Variants in CADPS observed in about 807,000 individuals in gnomAD.
The protein encoded by CADPS is calcium-dependent secretion activator 1.
Under a neutral mutation model 167.3 loss-of-function variants are expected in CADPS, and 57 were observed. That is an observed-to-expected ratio of 0.34 (90% confidence interval 0.28 to 0.42). The LOEUF is 0.42. Among genes scored for constraint, CADPS ranks in the 20% least tolerant of loss-of-function variants. The pLI, the probability that CADPS is intolerant of heterozygous loss-of-function variation, is 1.00. For synonymous variants in CADPS, 676 were observed against 635.3 expected, an observed-to-expected ratio of 1.06 and a Z score of -0.96; for missense variants, 1,414 against 1,738.1, an observed-to-expected ratio of 0.81 and a Z score of 3.32.
intron 1 of CADPS, among the ~76,000 whole-genome samples, chr3:62,865,995 A>G (rs1161059091): frequency 1.3e-5 from 2 of 152,064 alleles, no homozygotes; most frequent in African/African-American, 2.4e-5. Flanking sequence ...CACTAACCCA[A>G]ATGAAATGCA....
chr3:62,573,178 G>T (rs191419444), intron 8 of CADPS, among the ~76,000 whole-genome samples: 6 of 152,228 alleles, frequency 3.9e-5, no homozygotes, highest in Admixed American at 2.6e-4. Context: ...TACCTCGCCT[G>T]GCCCCTCCCA....
At chr3:62,532,598 G>C (rs1336156341) in intron 13 of CADPS, among the ~76,000 whole-genome samples, 1 of 152,102 alleles carries the variant, frequency 6.6e-6, no homozygotes. Flanking sequence ...CAGGGTTATT[G>C]CTAGTAAATG....
At chr3:62,507,572 T>A (rs2066922427) in intron 17 of CADPS, among the ~76,000 whole-genome samples, 1 of 152,132 alleles carries the variant, frequency 6.6e-6, no homozygotes, top group Non-Finnish European at 1.5e-5. Context: ...TAAAAGACAA[T>A]TTGAATACCT....
chr3:62,757,574 C>T (rs1055995300), intron 2 of CADPS, among the ~76,000 whole-genome samples: 15 of 152,064 alleles, frequency 9.9e-5, no homozygotes, highest in African/African-American at 2.7e-4. Context: ...AACCAGCACA[C>T]GGTATATTGG....
At chr3:62,666,999 T>C (rs1459510025) in intron 3 of CADPS, among the ~76,000 whole-genome samples, 1 of 151,858 alleles carries the variant, frequency 6.6e-6, no homozygotes, top group Non-Finnish European at 1.5e-5. Flanking sequence ...ATGTGCTGCA[T>C]TGTCCAAGGG....
At position 62,758,046 on chromosome 3, in the gene CADPS, A is replaced by C. The variant is rs374627288; in HGVS notation, c.556-4273T>G. On this transcript the variant is annotated intron_variant, in intron 2 of 29. Coordinates refer to ENST00000383710, the MANE Select transcript of CADPS (RefSeq NM_003716.4). ...TCAAGATGAGATTTGAGTGGGGACA[A>C]AGCCAAACCATATCAGGTGAACCCT... 5.9e-5 allele frequency among the ~76,000 whole-genome samples: 9 copies of C among 152,312 alleles called. No individual in the cohort carries two copies. The South Asian group carries it at 1.7e-3, about 28-fold the overall frequency.
rs1469433304 is a variant in CADPS, at chr3:62,425,129, AG to A, written c.3777+12974del. 1.2e-4 allele frequency among the ~76,000 whole-genome samples: 19 copies of A among 152,340 alleles called. No homozygotes were observed. The East Asian group carries it at 3.7e-3, about 29-fold the overall frequency. ...CACAGTGTTGCTACAGAATAAATAAAGTTATGAAGTCTTGTAAGATACAAAG... is the reference window on the plus strand; with the variant it reads ...CACAGTGTTGCTACAGAATAAATAAATTATGAAGTCTTGTAAGATACAAAG... On this transcript the variant is annotated intron_variant, in intron 28 of 29. Coordinates refer to ENST00000383710, the MANE Select transcript of CADPS (RefSeq NM_003716.4).
chr3:62,660,552 C>T (rs991815822), intron 4 of CADPS, among the ~76,000 whole-genome samples: 5 of 152,148 alleles, frequency 3.3e-5, no homozygotes, highest in African/African-American at 1.2e-4. Flanking sequence ...TGCTTAAGCA[C>T]AGGGGGATTT....
chr3:62,719,276 C>A (rs965693188), intron 3 of CADPS, among the ~76,000 whole-genome samples: 4 of 152,214 alleles, frequency 2.6e-5, no homozygotes, highest in African/African-American at 9.6e-5. Context: ...AGACACTCTC[C>A]TGGCCCAGGG....
intron 3 of CADPS, among the ~76,000 whole-genome samples, chr3:62,702,666 T>C (rs1020300947): frequency 2.0e-5 from 3 of 152,146 alleles, no homozygotes; most frequent in African/African-American, 7.2e-5. Context: ...TAGAACTTTC[T>C]GCAATGGTAG....
At chr3:62,710,974 T>TG (rs2083292348) in intron 3 of CADPS, among the ~76,000 whole-genome samples, 1 of 152,166 alleles carries the variant, frequency 6.6e-6, no homozygotes, top group Admixed American at 6.6e-5. Flanking sequence ...TTGTGAGGTT[T>TG]GTGCCCCTCC....
intron 1 of CADPS, among the ~76,000 whole-genome samples, chr3:62,869,568 A>G (rs1038235972): frequency 2.6e-5 from 4 of 152,052 alleles, no homozygotes; most frequent in Admixed American, 6.6e-5. Flanking sequence ...ACTGTATCCA[A>G]TCCTGTGTGT....
At chr3:62,628,268 G>C (rs2064505337) in intron 6 of CADPS, among the ~76,000 whole-genome samples, 1 of 152,162 alleles carries the variant, frequency 6.6e-6, no homozygotes, top group Non-Finnish European at 1.5e-5. Flanking sequence ...ACAGATATGG[G>C]AGAATGCAGA....
intron 1 of CADPS, among the ~76,000 whole-genome samples, chr3:62,773,183 A>C (rs9810655): frequency 0.58 from 87,589 of 151,756 alleles, 26,587 homozygotes; most frequent in East Asian, 0.84. Flanking sequence ...TTTATTAATA[A>C]ATAAAATATG....
chr3:62,536,458 G>T lies in CADPS; in HGVS notation c.2090C>A (p.Ser697Tyr). The T allele has an allele frequency of 6.2e-7, 1 of 1,613,074 alleles. No individual in the cohort carries two copies. Among genetic ancestry groups the T allele is most frequent in the Non-Finnish European group, 8.5e-7 (1 of 1,179,332 alleles). The change falls in exon 12 of 30, where the codon TCC (serine) becomes TAC (tyrosine). Residue 697 changes from serine to tyrosine, a missense_variant. Around this residue, in one of 6 missense-constraint regions of CADPS, gnomAD observed 529 missense variants for 629.6 expected, o/e 0.84. Coordinates refer to ENST00000383710, the MANE Select transcript of CADPS (RefSeq NM_003716.4). ...RLTLDHRLND[S>Y]YSCLGWFSPG... Reference sequence around the variant, plus strand: ...GAATATACTTGCCAGGCAAGAATAGGAATCATTAAGTCTGTGATCCAAAGT... The same window carrying T: ...GAATATACTTGCCAGGCAAGAATAGTAATCATTAAGTCTGTGATCCAAAGT...
intron 6 of CADPS, among the ~76,000 whole-genome samples, chr3:62,639,230 T>C (rs1444704561): frequency 2.0e-5 from 3 of 152,178 alleles, no homozygotes; most frequent in Admixed American, 6.6e-5. Context: ...AGTGTTGACT[T>C]TTACCATTTA....
At chr3:62,700,054 A>G (rs184755789) in intron 3 of CADPS, among the ~76,000 whole-genome samples, 1 of 152,262 alleles carries the variant, frequency 6.6e-6, no homozygotes. Context: ...TATGAACTCT[A>G]TGGGTCCTCT....
intron 3 of CADPS, among the ~76,000 whole-genome samples, chr3:62,751,841 G>T (rs189435750): frequency 6.6e-6 from 1 of 152,204 alleles, no homozygotes; most frequent in Admixed American, 6.5e-5. Context: ...AAATGAGTCG[G>T]ATTAATTCAT....
At chr3:62,761,275 C>A (rs556381110) in intron 2 of CADPS, among the ~76,000 whole-genome samples, 4 of 151,974 alleles carry the variant, frequency 2.6e-5, no homozygotes, top group African/African-American at 4.8e-5. Flanking sequence ...TAATCACAGT[C>A]GGTTTCTGTT....
Sources: allele counts gnomAD v4.1 joint callset (sites outside exome capture counted in the v4.1 genomes callset), GRCh38; gene constraint gnomAD v4.1.1; regional missense constraint gnomAD v4.1.1; transcripts MANE v1.5; gene names NCBI Gene and HGNC (gene_info 2026-07-23, HGNC 2026-07-21).